NBAS: variants seen among roughly 807,000 people sequenced by gnomAD.
NBAS encodes NBAS subunit of NRZ tethering complex, also known as NAG/BC035112 fusion.
NBAS carries 219 observed loss-of-function variants against 302.5 expected under a neutral mutation model. That is an observed-to-expected ratio of 0.72 (90% confidence interval 0.65 to 0.81). The LOEUF is 0.81. Among genes scored for constraint, NBAS ranks in the 30% least tolerant of loss-of-function variants. NBAS has a pLI of 0.00. For missense variants in NBAS, 2,932 were observed against 2,841.6 expected, an observed-to-expected ratio of 1.03 and a Z score of -0.72; for synonymous variants, 1,118 against 1,021.6, an observed-to-expected ratio of 1.09 and a Z score of -1.80.
chr2:15,437,317 G>C (rs1678075129), intron 21 of NBAS, among the ~76,000 whole-genome samples: 1 of 152,112 alleles, frequency 6.6e-6, no homozygotes, highest in Admixed American at 6.5e-5. Context: ...TCCATCTCTT[G>C]AAAGAGAAAG....
intron 44 of NBAS, among the ~76,000 whole-genome samples, chr2:15,239,110 G>A (rs1219514005): frequency 6.6e-6 from 1 of 152,026 alleles, no homozygotes; most frequent in Non-Finnish European, 1.5e-5. Flanking sequence ...CTAATTGATA[G>A]AAGAAATGAT....
At chr2:14,872,968 G>A in the NBAS span, among the ~76,000 whole-genome samples, 618 of 152,306 alleles carry the variant, frequency 4.1e-3, 3 homozygotes, top group African/African-American at 0.014. Context: ...TACAGGCAGC[G>A]CAGACCCAGT....
At chr2:15,242,885 A>G (rs1361019368) in intron 44 of NBAS, among the ~76,000 whole-genome samples, 1 of 152,168 alleles carries the variant, frequency 6.6e-6, no homozygotes, top group Non-Finnish European at 1.5e-5. Flanking sequence ...AATAGGTACT[A>G]AACATCTACT....
At chr2:15,273,766 G>A (rs1435444142) in intron 44 of NBAS, among the ~76,000 whole-genome samples, 2 of 152,040 alleles carry the variant, frequency 1.3e-5, no homozygotes, top group African/African-American at 4.8e-5. Context: ...AATACATTAT[G>A]CTCTTGTCTT....
the NBAS span, among the ~76,000 whole-genome samples, chr2:15,144,046 A>ATATATATATATATATATATTATCCT: frequency 3.4e-4 from 36 of 104,570 alleles, 2 homozygotes; most frequent in Non-Finnish European, 5.2e-4. Context: ...CCTATATATA[A>ATATATATATATATATATATTATCCT]AAATATATAT....
At chr2:15,252,532 A>T (rs965912139) in intron 44 of NBAS, among the ~76,000 whole-genome samples, 21 of 148,862 alleles carry the variant, frequency 1.4e-4, no homozygotes, top group African/African-American at 4.7e-4. Flanking sequence ...AATAAAAATT[A>T]AAAAAAAAAG....
downstream of NBAS, among the ~76,000 whole-genome samples, chr2:15,161,938 C>T (rs931028792): frequency 2.6e-5 from 4 of 152,174 alleles, no homozygotes; most frequent in Non-Finnish European, 5.9e-5. Flanking sequence ...CCTGACCACA[C>T]TACGTGCAGA....
In NBAS at chr2:15,341,309, C is replaced by T. The variant is rs145470461; in HGVS notation, c.4180-10544G>A. Among the ~76,000 whole-genome samples the T allele has an allele frequency of 3.7e-3, 563 of 152,064 alleles. 3 individuals are homozygous for T. Among genetic ancestry groups the T allele is most frequent in the African/African-American group, 0.013 (544 of 41,464 alleles). ...GCTGATGCTTGAGAATTGCTTGAAC[C>T]CAGGAGGCGGAGGTTGCAGTAAGCC... On this transcript the variant is annotated intron_variant, in intron 35 of 51. Coordinates refer to ENST00000281513, the MANE Select transcript of NBAS (RefSeq NM_015909.4).
intron 6 of NBAS, among the ~76,000 whole-genome samples, chr2:15,540,817 G>T (rs983992719): frequency 6.6e-6 from 1 of 151,938 alleles, no homozygotes; most frequent in Non-Finnish European, 1.5e-5. Context: ...CCATCTCCTG[G>T]GCTCAAGCAA....
At chr2:15,116,698 T>C in the NBAS span, among the ~76,000 whole-genome samples, 1,011 of 152,292 alleles carry the variant, frequency 6.6e-3, 11 homozygotes, top group African/African-American at 0.023. Context: ...TTCAAAGCAC[T>C]TTCACACTCA....
Position 15,328,202 on chromosome 2 carries a change from A to G in NBAS, c.4458T>C (p.Ala1486=). Residue 1486 remains alanine (A), a synonymous_variant, in exon 37 of 52, where the codon GCT becomes GCC. Transcript: ENST00000281513. ...YESVISNPFV[A]ESEGTYDTYQ... The stretch of plus-strand genomic sequence containing the variant: ...TTCCTAGACACGCTGTCCTTACCTC[A>G]GCGACAAAAGGATTTGAGATGACAG... 2 of 1,613,024 alleles carry G rather than the reference A, an allele frequency of 1.2e-6. No homozygotes were observed. The highest frequency in any genetic ancestry group is 1.7e-6 in the Non-Finnish European group (2 of 1,179,136).
intron 35 of NBAS, among the ~76,000 whole-genome samples, chr2:15,335,444 A>G (rs975893703): frequency 6.6e-6 from 1 of 152,232 alleles, no homozygotes; most frequent in African/African-American, 2.4e-5. Context: ...TTATTACACT[A>G]GCCAGCAATT....
At chr2:14,854,686 A>C in the NBAS span, among the ~76,000 whole-genome samples, 1 of 152,214 alleles carries the variant, frequency 6.6e-6, no homozygotes, top group South Asian at 2.1e-4. Flanking sequence ...CTGTTAGAGC[A>C]GAAAGGAAAA....
chr2:14,980,908 T>A, the NBAS span, among the ~76,000 whole-genome samples: 4 of 152,150 alleles, frequency 2.6e-5, no homozygotes, highest in African/African-American at 9.7e-5. Flanking sequence ...ACTTAATAAC[T>A]ACATATTTTG....
At chr2:15,302,559 G>C (rs1670850722) in intron 40 of NBAS, among the ~76,000 whole-genome samples, 1 of 152,178 alleles carries the variant, frequency 6.6e-6, no homozygotes, top group Non-Finnish European at 1.5e-5. Flanking sequence ...CCACAGGGTG[G>C]GTGGGTAGTG....
intron 35 of NBAS, among the ~76,000 whole-genome samples, chr2:15,342,689 T>G (rs1345181965): frequency 6.6e-6 from 1 of 152,040 alleles, no homozygotes; most frequent in African/African-American, 2.4e-5. Flanking sequence ...ATTAATGTAT[T>G]GTTTATTAAA....
the NBAS span, among the ~76,000 whole-genome samples, chr2:14,992,243 G>C: frequency 1.3e-5 from 2 of 152,290 alleles, no homozygotes; most frequent in East Asian, 3.9e-4. Flanking sequence ...TCATAACAGA[G>C]TCTTCAGGGA....
chr2:14,848,687 T>A, the NBAS span, among the ~76,000 whole-genome samples: 2 of 148,656 alleles, frequency 1.3e-5, no homozygotes, highest in Middle Eastern at 3.2e-3. Context: ...GTCTGACAGC[T>A]TTGAAGAGAG....
chr2:15,539,875 CACACACATATACAT>C (rs1379015665), intron 6 of NBAS, among the ~76,000 whole-genome samples: 2 of 152,076 alleles, frequency 1.3e-5, no homozygotes, highest in Non-Finnish European at 2.9e-5. Flanking sequence ...CACACACACT[CACACACATATACAT>C]ACACACATAG....
Sources: allele counts gnomAD v4.1 joint callset (sites outside exome capture counted in the v4.1 genomes callset), GRCh38; gene constraint gnomAD v4.1.1; transcripts MANE v1.5; gene names NCBI Gene and HGNC (gene_info 2026-07-23, HGNC 2026-07-21).